Variants in PDE1A observed in about 807,000 individuals in gnomAD.
The protein encoded by PDE1A is dual specificity calcium/calmodulin-dependent 3',5'-cyclic nucleotide phosphodiesterase 1A.
In PDE1A, 35 loss-of-function variants were observed where a neutral mutation model predicts 61.7. That is an observed-to-expected ratio of 0.57 (90% CI 0.43 to 0.75). The LOEUF (loss-of-function observed/expected upper bound fraction) is 0.75, where lower values mean the gene tolerates loss of function less well. PDE1A is among the 30% of genes least tolerant of loss of function. PDE1A has a pLI of 0.00. For missense variants in PDE1A, 597 were observed against 630.6 expected, an observed-to-expected ratio of 0.95 and a Z score of 0.57; for synonymous variants, 232 against 213.2, an observed-to-expected ratio of 1.09 and a Z score of -0.77.
chr2:182,470,214 G>C (rs935620280), intron 2 of PDE1A, among the ~76,000 whole-genome samples: 4 of 151,814 alleles, frequency 2.6e-5, no homozygotes, highest in African/African-American at 9.7e-5. Flanking sequence ...GGTGTTTATA[G>C]AATCATTTCA....
In PDE1A at chr2:182,259,276, T is replaced by A. The variant is rs111498997; in HGVS notation, c.167+5025A>T. On this transcript the variant is annotated intron_variant, in intron 2 of 13. Transcript: ENST00000351439. ...TGACTCTGTATTAAGGGAAAGGCAC[T>A]CTTTTCCATAATTTTATGCTTTCAT... 1.9e-3 allele frequency among the ~76,000 whole-genome samples: 285 copies of A among 152,316 alleles called. 2 individuals are homozygous for A. Among genetic ancestry groups the A allele is most frequent in the African/African-American group, 6.5e-3 (269 of 41,576 alleles).
the PDE1A span, among the ~76,000 whole-genome samples, chr2:182,540,366 GAAAAAAA>G: frequency 9.2e-6 from 1 of 108,408 alleles, no homozygotes; most frequent in Admixed American, 1.1e-4. Context: ...CTGTCTCAAA[GAAAAAAA>G]AAAAAAAAAA....
chr2:182,524,381 T>C (rs139862604), upstream of PDE1A, among the ~76,000 whole-genome samples: 20 of 152,332 alleles, frequency 1.3e-4, no homozygotes, highest in African/African-American at 4.6e-4. Context: ...AGACCTCACA[T>C]TGACCAGCTT....
At chr2:182,281,816 G>C (rs1425788999) in intron 1 of PDE1A, among the ~76,000 whole-genome samples, 1 of 151,918 alleles carries the variant, frequency 6.6e-6, no homozygotes, top group Non-Finnish European at 1.5e-5. Context: ...TTTTAATGCT[G>C]TGAATAAGCA....
the PDE1A span, among the ~76,000 whole-genome samples, chr2:182,648,173 TC>T: frequency 1.3e-5 from 2 of 152,174 alleles, no homozygotes; most frequent in African/African-American, 4.8e-5. Flanking sequence ...CCTCACGTGT[TC>T]CTCATCAGGT....
chr2:182,140,496 A>T (rs970848313), exon 15 of PDE1A: 8 of 152,238 alleles, frequency 5.3e-5, no homozygotes, highest in Admixed American at 5.2e-4. Context: ...TCCCTCAAAT[A>T]TGATTTATTT....
chr2:182,651,374 G>C, the PDE1A span, among the ~76,000 whole-genome samples: 1 of 152,164 alleles, frequency 6.6e-6, no homozygotes, highest in Non-Finnish European at 1.5e-5. Context: ...CATTGAAATT[G>C]AGAAATGTGA....
chr2:182,520,353 A>T lies in PDE1A; in HGVS notation c.101+1923T>A, dbSNP rs1690489670. On this transcript the variant is annotated intron_variant, in intron 2 of 14. Coordinates refer to the PDE1A transcript ENST00000410103. ...ATGCAATTTCTTCTTTATTCAATGA[A>T]AAAGCAGTCATTTTAGTCAGTTAGA... is the stretch of plus-strand genomic sequence containing the variant. Among the ~76,000 whole-genome samples, 3 of 152,086 alleles carry T rather than the reference A, an allele frequency of 2.0e-5. No homozygotes were observed. In the South Asian group the frequency reaches 6.2e-4, roughly 32 times the overall value.
chr2:182,561,484 C>T, the PDE1A span, among the ~76,000 whole-genome samples: 433 of 152,202 alleles, frequency 2.8e-3, 1 homozygote, highest in African/African-American at 9.8e-3. Context: ...TGAAGTCAGG[C>T]AGCATGATGC....
At chr2:182,575,711 C>A in the PDE1A span, among the ~76,000 whole-genome samples, 18 of 143,050 alleles carry the variant, frequency 1.3e-4, no homozygotes, top group African/African-American at 4.4e-4. Context: ...CATTATGTAT[C>A]TATATATATA....
rs201821721 is a variant in PDE1A, at chr2:182,364,466, TAAAAAAAAAAAAA to T, written c.53+62099_53+62111del. 7.5e-4 allele frequency among the ~76,000 whole-genome samples: 27 copies of T among 35,846 alleles called. No individual in the cohort carries two copies. The South Asian group carries it at 7.9e-3, about 10-fold the overall frequency. The allele number at this position is 35,846 out of a possible 152,430, so 23.5% of individuals were successfully genotyped here. On this transcript the variant is annotated intron_variant, in intron 1 of 13. Coordinates refer to ENST00000351439, the Ensembl canonical transcript of PDE1A. ...CTCAGACTATATTAGAACACTTTGG[TAAAAAAAAAAAAA>T]AAAAAAAAAAAAAAAAAAAACCTTA...
the PDE1A span, among the ~76,000 whole-genome samples, chr2:182,535,450 A>C: frequency 1.3e-5 from 2 of 152,048 alleles, no homozygotes; most frequent in Non-Finnish European, 2.9e-5. Flanking sequence ...TATGGCTATT[A>C]TGCTTTCGTA....
chr2:182,482,604 A>G (rs1006469261), intron 2 of PDE1A, among the ~76,000 whole-genome samples: 2 of 151,970 alleles, frequency 1.3e-5, no homozygotes, highest in Admixed American at 1.3e-4. Flanking sequence ...CAGCAAATTG[A>G]GAAGCATGTA....
At chr2:182,458,908 G>T (rs1457914034) in intron 2 of PDE1A, among the ~76,000 whole-genome samples, 1 of 152,032 alleles carries the variant, frequency 6.6e-6, no homozygotes, top group Non-Finnish European at 1.5e-5. Context: ...CTAGCCATTT[G>T]TGGTCCAGCT....
At chr2:182,594,111 G>A in the PDE1A span, among the ~76,000 whole-genome samples, 1 of 152,056 alleles carries the variant, frequency 6.6e-6, no homozygotes, top group Non-Finnish European at 1.5e-5. Context: ...GAAATAATAA[G>A]GTGAGATTAA....
chr2:182,374,983 T>C (rs895254108), intron 1 of PDE1A, among the ~76,000 whole-genome samples: 1 of 152,118 alleles, frequency 6.6e-6, no homozygotes, highest in Non-Finnish European at 1.5e-5. Context: ...AAACCCCTCA[T>C]AAAACCAACA....
At chr2:182,169,070 A>G (rs1165908245) in intron 13 of PDE1A, among the ~76,000 whole-genome samples, 1 of 152,194 alleles carries the variant, frequency 6.6e-6, no homozygotes, top group Non-Finnish European at 1.5e-5. Flanking sequence ...TTTAATATAA[A>G]TATCATAAAT....
At chr2:182,626,828 T>TATATATAC in the PDE1A span, among the ~76,000 whole-genome samples, 4 of 35,754 alleles carry the variant, frequency 1.1e-4, no homozygotes, top group East Asian at 8.8e-4. Context: ...TATATATACA[T>TATATATAC]ATATATATAC....
intron 10 of PDE1A, 39 bp from the exon 11 acceptor site, chr2:182,189,099 G>C (rs768170039): frequency 2.2e-6 from 3 of 1,394,000 alleles, no homozygotes; most frequent in Non-Finnish European, 3.0e-6. Flanking sequence ...ACTTGGGTTG[G>C]AGAAGCTAAA....
Sources: gnomAD v4.1 joint callset for allele counts (sites outside exome capture counted in the v4.1 genomes callset) on GRCh38, gnomAD v4.1.1 for gene constraint, MANE v1.5 for transcripts, NCBI Gene and HGNC (gene_info 2026-07-23, HGNC 2026-07-21) for gene names.